The following HIPK3 variants were observed in gnomAD, a reference collection of about 807,000 sequenced individuals.
HIPK3 encodes homeodomain-interacting protein kinase 3.
Under a neutral mutation model 124.2 loss-of-function variants are expected in HIPK3, and 47 were observed. The ratio of observed to expected loss-of-function variants is 0.38; its 90% CI spans 0.30 to 0.48. The LOEUF (loss-of-function observed/expected upper bound fraction) is 0.48, where lower values mean the gene tolerates loss of function less well. HIPK3 is among the 20% of genes least tolerant of loss of function. The probability of loss-of-function intolerance (pLI) is 0.98; values close to 1 mark genes in which losing one functional copy is unlikely to be tolerated. For missense variants in HIPK3, 1,286 were observed against 1,454.3 expected (o/e 0.88, Z 1.88); for synonymous variants, 482 against 515.2 (o/e 0.94, Z 0.87).
chr11:33,330,793 T>C (rs2133971676), intron 3 of HIPK3, among the ~76,000 whole-genome samples: 1 of 152,282 alleles, frequency 6.6e-6, no homozygotes, highest in Non-Finnish European at 1.5e-5. Flanking sequence ...AATTTTTTTT[T>C]TTTTCCCTAT....
At chr11:33,315,787 A>C (rs1852484548) in intron 2 of HIPK3, among the ~76,000 whole-genome samples, 1 of 152,238 alleles carries the variant, frequency 6.6e-6, no homozygotes, top group Non-Finnish European at 1.5e-5. Context: ...ACAAATATTA[A>C]ATCTTTGCTG....
intron 2 of HIPK3, 84 bp downstream of exon 2, chr11:33,287,595 G>C: frequency 7.2e-7 from 1 of 1,383,544 alleles, no homozygotes; most frequent in Non-Finnish European, 9.9e-7. Context: ...GTTTGTGGTA[G>C]AAGAGACCAC....
At chr11:33,269,492 G>A (rs190502671) in intron 1 of HIPK3, among the ~76,000 whole-genome samples, 1 of 151,562 alleles carries the variant, frequency 6.6e-6, no homozygotes, top group East Asian at 1.9e-4. Context: ...TTTTTTGACA[G>A]GTAAAATTAT....
intron 2 of HIPK3, among the ~76,000 whole-genome samples, chr11:33,321,560 AG>A (rs1852663724): frequency 6.6e-6 from 1 of 152,326 alleles, no homozygotes; most frequent in African/African-American, 2.4e-5. Context: ...GACAGCTGCA[AG>A]TGGTCTAGTA....
At chr11:33,352,857 G>C (rs1853705759) in intron 16 of HIPK3, among the ~76,000 whole-genome samples, 1 of 152,080 alleles carries the variant, frequency 6.6e-6, no homozygotes, top group African/African-American at 2.4e-5. Flanking sequence ...ACTAGCAGCA[G>C]TAATAGCAGT....
At chr11:33,340,794 A>C (rs975016684) in intron 6 of HIPK3, among the ~76,000 whole-genome samples, 174 bp from the exon 7 acceptor site, 2 of 152,210 alleles carry the variant, frequency 1.3e-5, no homozygotes, top group African/African-American at 4.8e-5. Context: ...TTGCTCTGAA[A>C]CTTAATCTTT....
intron 8 of HIPK3, among the ~76,000 whole-genome samples, chr11:33,345,654 A>G (rs1310256181): frequency 6.6e-6 from 1 of 151,884 alleles, no homozygotes; most frequent in Non-Finnish European, 1.5e-5. Flanking sequence ...TATATATTGC[A>G]ATATATCTAC....
At chr11:33,346,278 A>G (rs1343111060) in intron 8 of HIPK3, among the ~76,000 whole-genome samples, 6 of 152,112 alleles carry the variant, frequency 3.9e-5, no homozygotes, top group Non-Finnish European at 5.9e-5. Flanking sequence ...CCTGCTTTCT[A>G]ATTTTCCTAG....
intron 2 of HIPK3, among the ~76,000 whole-genome samples, chr11:33,310,569 A>G (rs1160739750): frequency 6.6e-6 from 1 of 152,140 alleles, no homozygotes; most frequent in Non-Finnish European, 1.5e-5. Flanking sequence ...TTGGCCTCCC[A>G]GAGTACTTGG....
At chr11:33,265,947 G>A (rs1315952119) in intron 1 of HIPK3, among the ~76,000 whole-genome samples, 2 of 151,084 alleles carry the variant, frequency 1.3e-5, no homozygotes, top group African/African-American at 4.9e-5. Flanking sequence ...AGCTGGGTGT[G>A]GTGGTGGGCA....
chr11:33,280,660 T>A (rs74945551), intron 1 of HIPK3, among the ~76,000 whole-genome samples: 2,172 of 152,352 alleles, frequency 0.014, 20 homozygotes, highest in Non-Finnish European at 0.021. Flanking sequence ...AAACCCTGGT[T>A]GGAGCCCTGG....
Position 33,339,498 on chromosome 11 carries a change from A to C in HIPK3, c.1577A>C (p.Asn526Thr). The change falls in exon 6 of 17, where the codon AAT (asparagine) becomes ACT (threonine). Residue 526 changes from asparagine to threonine, a missense_variant. This residue lies in a region of HIPK3 where 810 missense variants were observed against 864.9 expected (regional missense o/e 0.94). Coordinates refer to ENST00000303296, the MANE Select transcript of HIPK3 (RefSeq NM_005734.5). ...GAGACCCTGAACCATCCTTTTGTTA[A>C]TATGAAACATCTTCTAGATTTCCCT... ...PAETLNHPFV[N>T]MKHLLDFPHS... The C allele has an allele frequency of 1.2e-6, 2 of 1,608,458 alleles. No homozygotes were observed. The highest frequency in any genetic ancestry group is 1.7e-6 in the Non-Finnish European group (2 of 1,176,064).
chr11:33,263,627 T>C (rs746536255), intron 1 of HIPK3, among the ~76,000 whole-genome samples: 31 of 152,194 alleles, frequency 2.0e-4, no homozygotes, highest in Admixed American at 1.0e-3. Flanking sequence ...TGATTTTAAA[T>C]GTCCAAGTTG....
intron 1 of HIPK3, among the ~76,000 whole-genome samples, chr11:33,275,374 C>G (rs1230383030): frequency 1.3e-5 from 2 of 152,076 alleles, no homozygotes; most frequent in East Asian, 3.8e-4. Flanking sequence ...GGATTGAATG[C>G]TGGTAAAAAT....
At chr11:33,331,601 AG>A (rs1406169787) in intron 3 of HIPK3, among the ~76,000 whole-genome samples, 2 of 152,098 alleles carry the variant, frequency 1.3e-5, no homozygotes, top group Admixed American at 1.3e-4. Context: ...CTGGTCTCAA[AG>A]TCCTGGGCTT....
At position 33,346,866 on chromosome 11, in the gene HIPK3, A is replaced by G. The variant is rs185548459; in HGVS notation, c.1898-427A>G. 3.3e-5 allele frequency among the ~76,000 whole-genome samples: 5 copies of G among 152,330 alleles called. No homozygotes were observed. The East Asian group carries it at 9.6e-4, about 29-fold the overall frequency. On this transcript the variant is annotated intron_variant, in intron 8 of 16. Transcript: ENST00000303296. ...ACTAGATTGCTCTGTTAGTGTTATGAAAATTTTATGCAGAGAATGGTATCA... is the reference window on the plus strand; with the variant it reads ...ACTAGATTGCTCTGTTAGTGTTATGGAAATTTTATGCAGAGAATGGTATCA...
chr11:33,268,514 C>G (rs1261916828), intron 1 of HIPK3, among the ~76,000 whole-genome samples: 1 of 147,726 alleles, frequency 6.8e-6, no homozygotes, highest in Non-Finnish European at 1.5e-5. Flanking sequence ...TCATTTGAAC[C>G]TAGGAGTTAG....
intron 1 of HIPK3, among the ~76,000 whole-genome samples, chr11:33,262,282 G>A (rs1052164934): frequency 1.3e-5 from 2 of 152,294 alleles, no homozygotes; most frequent in Admixed American, 1.3e-4. Flanking sequence ...TGCTGCTTCT[G>A]TAGCTTTGCC....
chr11:33,310,960 C>T (rs1852318604), intron 2 of HIPK3, among the ~76,000 whole-genome samples: 1 of 152,174 alleles, frequency 6.6e-6, no homozygotes, highest in Non-Finnish European at 1.5e-5. Flanking sequence ...GCCCCTCTTC[C>T]TTGGTAGGTT....
Sources: gnomAD v4.1 joint callset for allele counts (sites outside exome capture counted in the v4.1 genomes callset) on GRCh38, gnomAD v4.1.1 for gene constraint, gnomAD v4.1.1 regional missense constraint, MANE v1.5 for transcripts, NCBI Gene and HGNC (gene_info 2026-07-23, HGNC 2026-07-21) for gene names.